Variants in RYR2 observed in about 807,000 individuals in gnomAD.
RYR2 encodes the protein ryanodine receptor 2.
RYR2 carries 227 observed loss-of-function variants against 601.1 expected under a neutral mutation model. That is an observed-to-expected ratio of 0.38 (90% CI 0.34 to 0.42). The LOEUF (loss-of-function observed/expected upper bound fraction) is 0.42, where lower values mean the gene tolerates loss of function less well. Ranked by LOEUF, RYR2 falls within the 10% of genes least tolerant of loss-of-function variation. The probability of loss-of-function intolerance (pLI) is 1.00; values close to 1 mark genes in which losing one functional copy is unlikely to be tolerated. For synonymous variants in RYR2, 2,223 were observed against 2,175.1 expected, an observed-to-expected ratio of 1.02 and a Z score of -0.61; for missense variants, 4,646 against 6,156.5, an observed-to-expected ratio of 0.75 and a Z score of 8.21.
intron 10 of RYR2, among the ~76,000 whole-genome samples, chr1:237,405,930 C>T (rs1294299223): frequency 9.6e-6 from 1 of 104,496 alleles, no homozygotes; most frequent in Non-Finnish European, 2.2e-5. Context: ...TTCATCCCAC[C>T]ATCAACCACT....
At chr1:237,688,069 G>C (rs1279814490) in intron 63 of RYR2, among the ~76,000 whole-genome samples, 1 of 152,108 alleles carries the variant, frequency 6.6e-6, no homozygotes, top group Non-Finnish European at 1.5e-5. Flanking sequence ...AATTCACCTA[G>C]CTGGAGTCCA....
chr1:237,082,524 CATATATATATATATATATATATAT>C (rs71561856), intron 1 of RYR2, among the ~76,000 whole-genome samples: 5,979 of 80,044 alleles, frequency 0.075, 542 homozygotes, highest in African/African-American at 0.19. Flanking sequence ...AATAGGAAAA[CATATATATATATATATATATATAT>C]ATATATATAA....
intron 7 of RYR2, 87 bp downstream of exon 7, chr1:237,374,882 G>A: frequency 1.0e-6 from 1 of 988,294 alleles, no homozygotes; most frequent in Non-Finnish European, 1.5e-6. Context: ...CGATACATGG[G>A]ATGAATGTTC....
intron 12 of RYR2, among the ~76,000 whole-genome samples, chr1:237,427,107 A>G (rs1706252515): frequency 6.6e-6 from 1 of 152,220 alleles, no homozygotes; most frequent in Non-Finnish European, 1.5e-5. Context: ...ATGATGGAAG[A>G]GAGAAAAGTT....
At chr1:237,631,809 T>C (rs922355297) in intron 42 of RYR2, among the ~76,000 whole-genome samples, 6 of 151,436 alleles carry the variant, frequency 4.0e-5, no homozygotes, top group Non-Finnish European at 7.4e-5. Flanking sequence ...TTTGTGTTTT[T>C]AGTAGAGACG....
intron 2 of RYR2, among the ~76,000 whole-genome samples, chr1:237,307,930 G>C (rs1694044332): frequency 6.6e-6 from 1 of 151,270 alleles, no homozygotes; most frequent in African/African-American, 2.4e-5. Flanking sequence ...TTTGAGTGAA[G>C]GCTAGGAAAA....
At chr1:237,592,704 A>G (rs926086217) in intron 32 of RYR2, among the ~76,000 whole-genome samples, 9 of 151,752 alleles carry the variant, frequency 5.9e-5, no homozygotes, top group African/African-American at 2.2e-4. Flanking sequence ...GAACATGCAA[A>G]AAAGGTGGGT....
At chr1:237,511,992 C>T (rs1224083926) in intron 24 of RYR2, among the ~76,000 whole-genome samples, 1 of 152,088 alleles carries the variant, frequency 6.6e-6, no homozygotes, top group African/African-American at 2.4e-5. Flanking sequence ...TTTATGTCCT[C>T]TTGTTCTACA....
intron 1 of RYR2, among the ~76,000 whole-genome samples, chr1:237,102,965 C>T (rs1013857215): frequency 5.3e-5 from 8 of 152,174 alleles, no homozygotes; most frequent in Non-Finnish European, 1.2e-4. Context: ...TAAGTATATG[C>T]ACACCGTTGT....
chr1:237,293,123 GACATCATCATC>G, intron 2 of RYR2, among the ~76,000 whole-genome samples: 3 of 151,968 alleles, frequency 2.0e-5, no homozygotes, highest in African/African-American at 7.3e-5. Flanking sequence ...ACTCAATTTT[GACATCATCATC>G]TACCTGGAGA....
Position 237,761,039 on chromosome 1 carries a change from CT to C in RYR2, c.11476+13del. On this transcript the variant is annotated intron_variant, in intron 84 of 104. Coordinates refer to ENST00000366574, the MANE Select transcript of RYR2 (RefSeq NM_001035.3). ...CAGAGGAAGGATCAGGTATTAATGA[CT>C]TACATTAAAAGGATCACCTGTCTCC... The C allele has an allele frequency of 6.6e-7, 1 of 1,511,670 alleles. No individual in the cohort carries two copies. The allele number at this position is 1,511,670 out of a possible 1,614,324, so 93.6% of individuals were successfully genotyped here.
At chr1:237,383,313 G>A (rs564355752) in intron 8 of RYR2, among the ~76,000 whole-genome samples, 11 of 151,184 alleles carry the variant, frequency 7.3e-5, no homozygotes, top group South Asian at 6.3e-4. Flanking sequence ...CACTTCTATC[G>A]TGTAATGTCT....
chr1:237,806,829 G>A (rs541492795), intron 99 of RYR2, among the ~76,000 whole-genome samples: 1 of 152,142 alleles, frequency 6.6e-6, no homozygotes, highest in African/African-American at 2.4e-5. Flanking sequence ...AAGAAAACTG[G>A]TCTAGGTCCA....
At chr1:237,454,927 G>A (rs6682119) in intron 15 of RYR2, among the ~76,000 whole-genome samples, 8,022 of 152,180 alleles carry the variant, frequency 0.053, 664 homozygotes, top group African/African-American at 0.18. Flanking sequence ...GCTTTAGAAA[G>A]CATCAGGGTT....
rs1419674808 is a variant in RYR2, at chr1:237,700,429, A to C, written c.9329A>C (p.Glu3110Ala). The C allele has an allele frequency of 1.2e-6, 2 of 1,604,048 alleles. No homozygotes were observed. Among genetic ancestry groups the C allele is most frequent in the Non-Finnish European group, 1.7e-6 (2 of 1,172,834 alleles). Residue 3110 changes from glutamate (E) to alanine (A), a missense_variant, in exon 65 of 105, where the codon GAA becomes GCA. Glu to Ala is a moderately radical substitution (Grantham distance 107). This residue lies in a region of RYR2 where 1,497 missense variants were observed against 1,842.6 expected (regional missense o/e 0.81). Transcript: ENST00000366574. The stretch of plus-strand genomic sequence containing the variant: ...CTGCCAATGCTGTCTTCATTATTTG[A>C]ACATATTGGCCAGCATCAGTTCGGA... ...ALLPMLSSLF[E>A]HIGQHQFGED...
chr1:237,086,007 G>A (rs921467995), intron 1 of RYR2, among the ~76,000 whole-genome samples: 7 of 152,190 alleles, frequency 4.6e-5, no homozygotes, highest in Admixed American at 1.3e-4. Context: ...TGACTGCCTT[G>A]GCCTCTCAAA....
At chr1:237,073,810 G>A (rs935612737) in intron 1 of RYR2, among the ~76,000 whole-genome samples, 1 of 146,320 alleles carries the variant, frequency 6.8e-6, no homozygotes, top group Non-Finnish European at 1.5e-5. Context: ...GGCAGAGGCT[G>A]CAGTGAGCCA....
chr1:237,264,567 G>A (rs982156094), intron 1 of RYR2, among the ~76,000 whole-genome samples: 1 of 152,054 alleles, frequency 6.6e-6, no homozygotes, highest in African/African-American at 2.4e-5. Context: ...CAAATTTTGG[G>A]CATTGTTTGT....
Position 237,826,590 on chromosome 1 carries a change from C to T in RYR2, c.14591-1791C>T, listed in dbSNP as rs193161335. On this transcript the variant is annotated intron_variant, in intron 101 of 104. Coordinates refer to ENST00000366574, the MANE Select transcript of RYR2 (RefSeq NM_001035.3). The stretch of plus-strand genomic sequence containing the variant: ...AAAAACCACCATAGCACGTGTATAC[C>T]TGTGTAACAAACCTGCACGTTCTGC... Among the ~76,000 whole-genome samples, 22 of 152,172 alleles carry T rather than the reference C, an allele frequency of 1.4e-4. No homozygotes were observed. In the East Asian group the frequency reaches 3.9e-3, roughly 27 times the overall value.
Sources: gnomAD v4.1 joint callset for allele counts (sites outside exome capture counted in the v4.1 genomes callset) on GRCh38, gnomAD v4.1.1 for gene constraint, gnomAD v4.1.1 regional missense constraint, MANE v1.5 for transcripts, NCBI Gene and HGNC (gene_info 2026-07-23, HGNC 2026-07-21) for gene names.